The following SLC1A2 variants were observed in gnomAD, a reference collection of about 807,000 sequenced individuals.
SLC1A2 encodes excitatory amino acid transporter 2.
Under a neutral mutation model 48.8 loss-of-function variants are expected in SLC1A2, and 15 were observed. That is an observed-to-expected ratio of 0.31 (90% CI 0.21 to 0.47). SLC1A2 has a LOEUF of 0.47. SLC1A2 is among the 20% of genes least tolerant of loss of function. The pLI is 0.99. For missense variants in SLC1A2, 502 were observed against 730.5 expected (o/e 0.69, Z 3.61); for synonymous variants, 279 against 272.6 (o/e 1.02, Z -0.23).
intron 1 of SLC1A2, among the ~76,000 whole-genome samples, chr11:35,319,496 C>G (rs1207236250): frequency 1.3e-5 from 2 of 152,230 alleles, no homozygotes; most frequent in African/African-American, 4.8e-5. Flanking sequence ...CCTTCTGCTT[C>G]ATTTGAATCC....
At position 35,419,305 on chromosome 11, in the gene SLC1A2, C is replaced by A. The variant is rs1855711038; in HGVS notation, c.-339G>T. ...TGCAGGAGGGCGCACGCCGGCGATG[C>A]GCCCCTGCAGCCGCTGCCACCTGTG... On this transcript the variant is annotated 5_prime_UTR_variant, in exon 1 of 11. Transcript: ENST00000278379. This position sits in a 1 kb window ranked among gnomAD's most constrained non-coding sequence, Gnocchi z 5.4. 1 of 276,660 alleles carries A rather than the reference C, an allele frequency of 3.6e-6. No homozygotes were observed. The highest frequency in any genetic ancestry group is 6.7e-6 in the Non-Finnish European group (1 of 149,278). 17.1% of individuals were successfully genotyped at this position (276,660 alleles called of 1,614,324 possible). A position where few individuals can be genotyped will look rare whatever the true frequency, so the allele number is the denominator to read the frequency against.
chr11:35,344,728 T>C (rs2135052042), intron 1 of SLC1A2, among the ~76,000 whole-genome samples: 1 of 152,334 alleles, frequency 6.6e-6, no homozygotes, highest in Non-Finnish European at 1.5e-5. Context: ...GACAATGTGC[T>C]TGTTCTGAAT....
intron 1 of SLC1A2, chr11:35,380,609 G>T (rs1383140397): frequency 5.1e-6 from 2 of 391,718 alleles, no homozygotes; most frequent in Middle Eastern, 6.4e-4. Context: ...AATCAATTCT[G>T]TTCCATCAGG....
At chr11:35,332,457 A>G (rs1852461400) in intron 1 of SLC1A2, among the ~76,000 whole-genome samples, 1 of 152,264 alleles carries the variant, frequency 6.6e-6, no homozygotes, top group African/African-American at 2.4e-5. Flanking sequence ...CATCAAAGCA[A>G]GGAACATGTC....
rs115237703 is a variant in SLC1A2, at chr11:35,266,802, C to G, written c.1422-1044G>C. On this transcript the variant is annotated intron_variant, in intron 9 of 10. Coordinates refer to ENST00000278379, the MANE Select transcript of SLC1A2 (RefSeq NM_004171.4). ...GCTTTCAATTCAAATAATATGAGTT[C>G]CAGGCAAAGCGGAAACTTTAATTTG... 2.5e-3 allele frequency among the ~76,000 whole-genome samples: 385 copies of G among 152,262 alleles called. 6 individuals carry two copies. Among genetic ancestry groups the G allele is most frequent in the African/African-American group, 9.0e-3 (373 of 41,558 alleles).
intron 1 of SLC1A2, among the ~76,000 whole-genome samples, chr11:35,348,347 GGGTCTCAC>G (rs1853116404): frequency 6.6e-6 from 1 of 152,230 alleles, no homozygotes; most frequent in African/African-American, 2.4e-5. Context: ...ACATTTCTAA[GGGTCTCAC>G]CTCAATTATT....
chr11:35,392,810 A>G (rs1176532187), intron 1 of SLC1A2, among the ~76,000 whole-genome samples: 1 of 152,236 alleles, frequency 6.6e-6, no homozygotes, highest in Non-Finnish European at 1.5e-5. Flanking sequence ...GGGAGGGTGG[A>G]TAAATGTGGC....
chr11:35,352,153 CAT>C (rs10618218), intron 1 of SLC1A2: 16,777 of 152,192 alleles, frequency 0.11, 1,146 homozygotes, highest in African/African-American at 0.17. Context: ...GAAAAAAGTC[CAT>C]ATGACTCAGA....
intron 1 of SLC1A2, among the ~76,000 whole-genome samples, chr11:35,392,643 G>A (rs1410064773): frequency 6.6e-6 from 1 of 152,162 alleles, no homozygotes; most frequent in African/African-American, 2.4e-5. Context: ...TAAGACTCCC[G>A]GGGTTCCCAC....
At chr11:35,299,981 A>G (rs1161096922) in intron 6 of SLC1A2, among the ~76,000 whole-genome samples, 2 of 152,186 alleles carry the variant, frequency 1.3e-5, no homozygotes, top group Admixed American at 1.3e-4. Flanking sequence ...CATCCTAGAG[A>G]TCTGAAACAA....
chr11:35,312,062 A>G (rs1256266060), intron 4 of SLC1A2, 136 bp downstream of exon 4: 2 of 883,584 alleles, frequency 2.3e-6, no homozygotes, highest in East Asian at 4.9e-5. Flanking sequence ...CACCTCATAG[A>G]ATCCCTGGGC....
At chr11:35,361,310 A>G (rs984586081) in intron 1 of SLC1A2, among the ~76,000 whole-genome samples, 16 of 152,218 alleles carry the variant, frequency 1.1e-4, no homozygotes, top group African/African-American at 3.6e-4. Context: ...ACTTTGCTTA[A>G]CCAAGCCATA....
chr11:35,364,043 T>C (rs988935440), intron 1 of SLC1A2, among the ~76,000 whole-genome samples: 7 of 152,148 alleles, frequency 4.6e-5, no homozygotes, highest in Non-Finnish European at 1.5e-5. Context: ...TGCCATCCCA[T>C]GCACAGAGGC....
At chr11:35,285,897 G>A (rs749581806) in intron 8 of SLC1A2, 1 of 152,146 alleles carries the variant, frequency 6.6e-6, no homozygotes, top group Non-Finnish European at 1.5e-5. Context: ...TATGACATAA[G>A]GCAGAAATTG....
intron 1 of SLC1A2, among the ~76,000 whole-genome samples, chr11:35,331,992 C>T (rs553466541): frequency 6.6e-6 from 1 of 152,096 alleles, no homozygotes; most frequent in Non-Finnish European, 1.5e-5. Flanking sequence ...CCCAAGTCTG[C>T]AGGGACTGGG....
At chr11:35,298,863 C>T (rs763152662) in intron 6 of SLC1A2, 1 of 152,306 alleles carries the variant, frequency 6.6e-6, no homozygotes, top group Non-Finnish European at 1.5e-5. Context: ...AGGAAGGACA[C>T]ATACATTGCC....
intron 1 of SLC1A2, among the ~76,000 whole-genome samples, chr11:35,329,484 T>A (rs528197259): frequency 6.6e-6 from 1 of 152,352 alleles, no homozygotes; most frequent in African/African-American, 2.4e-5. Flanking sequence ...ATGGGAACTC[T>A]CTGTACTTTC....
At chr11:35,403,115 A>G (rs1855183548) in intron 1 of SLC1A2, among the ~76,000 whole-genome samples, 3 of 152,240 alleles carry the variant, frequency 2.0e-5, no homozygotes, top group African/African-American at 7.2e-5. Context: ...CATTATAGGT[A>G]TCTTCCAGGT....
intron 4 of SLC1A2, among the ~76,000 whole-genome samples, chr11:35,309,311 G>A (rs950414188): frequency 6.6e-6 from 1 of 152,136 alleles, no homozygotes; most frequent in African/African-American, 2.4e-5. Flanking sequence ...TGGCATCCTT[G>A]TACAAAGCAG....
Sources: allele counts gnomAD v4.1 joint callset (sites outside exome capture counted in the v4.1 genomes callset), GRCh38; gene constraint gnomAD v4.1.1; non-coding constraint Gnocchi (gnomAD v3.1); transcripts MANE v1.5; gene names NCBI Gene and HGNC (gene_info 2026-07-23, HGNC 2026-07-21).